Variants in PDE4D observed in about 807,000 individuals in gnomAD.
PDE4D encodes phosphodiesterase 4D, also known as 3',5'-cyclic-AMP phosphodiesterase 4D.
A neutral mutation model predicts 87.4 loss-of-function variants in PDE4D; 24 were observed. The observed-to-expected ratio is 0.27, with a 90% CI of 0.20 to 0.39. PDE4D has a LOEUF of 0.39. Ranked by LOEUF, PDE4D falls within the 10% of genes least tolerant of loss-of-function variation. The pLI is 1.00. For missense variants in PDE4D, 714 were observed against 1,041.0 expected, an observed-to-expected ratio of 0.69 and a Z score of 4.32; for synonymous variants, 384 against 383.2, an observed-to-expected ratio of 1.00 and a Z score of -0.02.
chr5:59,526,847 A>G (rs1000738776), intron 1 of PDE4D, among the ~76,000 whole-genome samples: 8 of 152,060 alleles, frequency 5.3e-5, no homozygotes, highest in African/African-American at 1.9e-4. Flanking sequence ...GCTGGTCTCA[A>G]ACTCCTGGGC....
intron 2 of PDE4D, among the ~76,000 whole-genome samples, chr5:60,165,754 C>G (rs562663375): frequency 1.3e-5 from 2 of 149,620 alleles, no homozygotes; most frequent in East Asian, 3.9e-4. Flanking sequence ...AACATTTAAC[C>G]TTTGATCTAT....
At chr5:59,379,934 A>C (rs1396010133) in intron 1 of PDE4D, among the ~76,000 whole-genome samples, 1 of 152,126 alleles carries the variant, frequency 6.6e-6, no homozygotes, top group Non-Finnish European at 1.5e-5. Flanking sequence ...CCCATCACCC[A>C]GGTGGTCAGC....
chr5:59,499,203 C>G (rs1807800613), intron 1 of PDE4D, among the ~76,000 whole-genome samples: 1 of 151,928 alleles, frequency 6.6e-6, no homozygotes, highest in African/African-American at 2.4e-5. Context: ...AGAAGTCAAA[C>G]TGTTATTTGA....
chr5:59,935,524 G>A (rs1452863949), intron 3 of PDE4D, among the ~76,000 whole-genome samples: 4 of 152,168 alleles, frequency 2.6e-5, no homozygotes, highest in Admixed American at 1.3e-4. Flanking sequence ...AGTTTAAAAT[G>A]TGTGTAATTC....
At chr5:60,375,183 T>C (rs933811957) in intron 1 of PDE4D, among the ~76,000 whole-genome samples, 1 of 152,204 alleles carries the variant, frequency 6.6e-6, no homozygotes, top group African/African-American at 2.4e-5. Flanking sequence ...TTCATTTTTA[T>C]AACACATCAC....
chr5:58,993,476 G>T lies in PDE4D; in HGVS notation c.922-11C>A. The T allele has an allele frequency of 6.5e-7, 1 of 1,531,976 alleles. No individual in the cohort carries two copies. Among genetic ancestry groups the T allele is most frequent in the Non-Finnish European group, 8.9e-7 (1 of 1,121,856 alleles). 94.9% of individuals were successfully genotyped at this position (1,531,976 alleles called of 1,614,324 possible). A position where few individuals can be genotyped will look rare whatever the true frequency, so the allele number is the denominator to read the frequency against. On this transcript the variant is annotated splice_polypyrimidine_tract_variant and intron_variant, in intron 6 of 14. Coordinates refer to ENST00000340635, the MANE Select transcript of PDE4D (RefSeq NM_001104631.2). ...AAGCATCCTTTTAAACTGAAAAACA[G>T]AAAAGTAAAATGAAATAATAGAAGA...
intron 1 of PDE4D, among the ~76,000 whole-genome samples, chr5:59,882,021 C>T (rs1749501812): frequency 6.6e-6 from 1 of 152,144 alleles, no homozygotes; most frequent in Non-Finnish European, 1.5e-5. Flanking sequence ...CCCATTGAAG[C>T]CATGAACATC....
chr5:60,002,352 A>C (rs1207835721), intron 2 of PDE4D, among the ~76,000 whole-genome samples: 1 of 152,122 alleles, frequency 6.6e-6, no homozygotes, highest in Non-Finnish European at 1.5e-5. Flanking sequence ...TTTAAGAATT[A>C]ATACAAATGC....
chr5:59,161,902 A>T (rs1394425470), intron 5 of PDE4D, among the ~76,000 whole-genome samples: 1 of 152,246 alleles, frequency 6.6e-6, no homozygotes, highest in Non-Finnish European at 1.5e-5. Context: ...AGAGACAAAG[A>T]TAATGAGTGG....
chr5:60,468,130 C>CTTTTTTTTTTTTTTTTT (rs370784270), intron 1 of PDE4D, among the ~76,000 whole-genome samples: 110 of 126,120 alleles, frequency 8.7e-4, no homozygotes, highest in East Asian at 2.5e-3. Flanking sequence ...AACTTTCTTT[C>CTTTTTTTTTTTTTTTTT]TTTTTTCTTT....
chr5:60,057,509 C>T (rs897262926), intron 2 of PDE4D, among the ~76,000 whole-genome samples: 1 of 151,976 alleles, frequency 6.6e-6, no homozygotes, highest in African/African-American at 2.4e-5. Flanking sequence ...CTCTTCAGTG[C>T]CTTCTGTCCC....
chr5:59,482,852 T>C (rs776806102), intron 1 of PDE4D, among the ~76,000 whole-genome samples: 1 of 152,170 alleles, frequency 6.6e-6, no homozygotes, highest in South Asian at 2.1e-4. Context: ...GGTGGGATGA[T>C]TGATTTTATG....
At chr5:60,232,008 A>G (rs1207509899) in intron 1 of PDE4D, among the ~76,000 whole-genome samples, 1 of 151,956 alleles carries the variant, frequency 6.6e-6, no homozygotes, top group Non-Finnish European at 1.5e-5. Flanking sequence ...AATTCCCTCT[A>G]ATCATTCTCA....
At chr5:59,018,249 T>C (rs772003223) in intron 6 of PDE4D, among the ~76,000 whole-genome samples, 1 of 152,208 alleles carries the variant, frequency 6.6e-6, no homozygotes, top group Non-Finnish European at 1.5e-5. Context: ...CTGAGAATGC[T>C]TTTGGAGATT....
chr5:59,103,581 G>C (rs1029434506), intron 5 of PDE4D, among the ~76,000 whole-genome samples: 5 of 152,068 alleles, frequency 3.3e-5, no homozygotes, highest in African/African-American at 1.2e-4. Flanking sequence ...CTTTAAACAG[G>C]TTGTAGCTTC....
At chr5:59,310,866 T>C (rs1772443111) in intron 1 of PDE4D, among the ~76,000 whole-genome samples, 1 of 152,182 alleles carries the variant, frequency 6.6e-6, no homozygotes, top group African/African-American at 2.4e-5. Context: ...TAACATATAC[T>C]GGGACCTACA....
At chr5:59,723,018 T>G (rs1014272590) in intron 1 of PDE4D, among the ~76,000 whole-genome samples, 1 of 152,122 alleles carries the variant, frequency 6.6e-6, no homozygotes, top group African/African-American at 2.4e-5. Flanking sequence ...AAACTAATAA[T>G]CTTACTAAAT....
chr5:59,128,113 A>G (rs1366440517), intron 5 of PDE4D, among the ~76,000 whole-genome samples: 1 of 150,994 alleles, frequency 6.6e-6, no homozygotes, highest in Non-Finnish European at 1.5e-5. Flanking sequence ...AGGTTTTACT[A>G]AAAGGCTTCA....
chr5:59,990,150 C>A (rs1410161667), intron 2 of PDE4D, among the ~76,000 whole-genome samples: 1 of 152,130 alleles, frequency 6.6e-6, no homozygotes. Context: ...ACACTCCTTA[C>A]TATACAACTA....
Sources: gnomAD v4.1 joint callset for allele counts (sites outside exome capture counted in the v4.1 genomes callset) on GRCh38, gnomAD v4.1.1 for gene constraint, MANE v1.5 for transcripts, NCBI Gene and HGNC (gene_info 2026-07-23, HGNC 2026-07-21) for gene names.